PIK3C3: variants seen among roughly 807,000 people sequenced by gnomAD.
PIK3C3 encodes the protein PI3-kinase type 3.
Under a neutral mutation model 126.1 loss-of-function variants are expected in PIK3C3, and 95 were observed. The observed-to-expected ratio is 0.75, with a 90% CI of 0.64 to 0.89. PIK3C3 has a LOEUF of 0.89. Ranked by LOEUF, PIK3C3 falls within the 40% of genes least tolerant of loss-of-function variation. PIK3C3 has a pLI of 0.00. For synonymous variants in PIK3C3, 374 were observed against 360.0 expected (o/e 1.04, Z -0.44); for missense variants, 829 against 1,063.2 (o/e 0.78, Z 3.06).
chr18:42,065,683 A>C (rs1568008333), intron 23 of PIK3C3, among the ~76,000 whole-genome samples: 1 of 152,230 alleles, frequency 6.6e-6, no homozygotes, highest in Non-Finnish European at 1.5e-5. Context: ...GGACTACCTC[A>C]ATAGATCTGT....
At chr18:42,024,793 AT>A (rs1192332104) in intron 13 of PIK3C3, among the ~76,000 whole-genome samples, 1 of 144,194 alleles carries the variant, frequency 6.9e-6, no homozygotes. Context: ...GCATCAACAT[AT>A]TTTTTTTCTT....
intron 3 of PIK3C3, among the ~76,000 whole-genome samples, chr18:41,969,323 A>G (rs902857259): frequency 3.3e-5 from 5 of 152,158 alleles, no homozygotes; most frequent in African/African-American, 1.2e-4. Flanking sequence ...CTTGTTCAAA[A>G]ATATTTTTTT....
At chr18:42,062,760 C>T (rs989353603) in intron 22 of PIK3C3, among the ~76,000 whole-genome samples, 3 of 152,022 alleles carry the variant, frequency 2.0e-5, no homozygotes, top group Non-Finnish European at 4.4e-5. Flanking sequence ...TAGTAGGCAC[C>T]TCAGACTCCA....
chr18:42,005,027 T>C (rs1267518432), intron 10 of PIK3C3, among the ~76,000 whole-genome samples: 1 of 152,234 alleles, frequency 6.6e-6, no homozygotes. Flanking sequence ...ATGACAATTA[T>C]ATGTATATGT....
At chr18:42,044,866 C>T (rs1418550775) in intron 20 of PIK3C3, among the ~76,000 whole-genome samples, 1 of 151,868 alleles carries the variant, frequency 6.6e-6, no homozygotes. Context: ...TGTTTATGTC[C>T]CTATTTATGC....
At chr18:42,034,332 G>T (rs1362168772) in intron 16 of PIK3C3, among the ~76,000 whole-genome samples, 2 of 152,100 alleles carry the variant, frequency 1.3e-5, no homozygotes, top group African/African-American at 4.8e-5. Flanking sequence ...GGGATTACAG[G>T]CATGCGCCAC....
At chr18:41,957,869 C>T in intron 2 of PIK3C3, 111 bp downstream of exon 2, 1 of 719,728 alleles carries the variant, frequency 1.4e-6, no homozygotes, top group Non-Finnish European at 2.2e-6. Context: ...TACCTATAGG[C>T]ATTGATCAAA....
At chr18:41,955,411 G>A in intron 1 of PIK3C3, 52 bp downstream of exon 1, 1 of 1,474,018 alleles carries the variant, frequency 6.8e-7, no homozygotes, top group Non-Finnish European at 9.5e-7. Context: ...TAGGGACGTG[G>A]GGGCAGGGGC....
intron 15 of PIK3C3, among the ~76,000 whole-genome samples, chr18:42,032,140 A>G (rs1983856485): frequency 1.3e-5 from 2 of 152,214 alleles, no homozygotes; most frequent in South Asian, 4.1e-4. Flanking sequence ...AGCATGTAAG[A>G]GAGCAAGCCG....
At chr18:41,969,877 T>G (rs1980567085) in intron 3 of PIK3C3, among the ~76,000 whole-genome samples, 1 of 152,206 alleles carries the variant, frequency 6.6e-6, no homozygotes, top group South Asian at 2.1e-4. Flanking sequence ...AGCACAGCTG[T>G]GATTCAAGTA....
intron 4 of PIK3C3, among the ~76,000 whole-genome samples, chr18:41,974,480 T>C (rs1980817891): frequency 6.6e-6 from 1 of 152,180 alleles, no homozygotes; most frequent in African/African-American, 2.4e-5. Context: ...ATTTTTATTT[T>C]TTATAACTTG....
At chr18:42,016,813 C>CTTGT (rs753872223) in intron 12 of PIK3C3, among the ~76,000 whole-genome samples, 1 of 151,878 alleles carries the variant, frequency 6.6e-6, no homozygotes, top group East Asian at 1.9e-4. Flanking sequence ...TAGTGTAGGG[C>CTTGT]TTGTAGGCCA....
chr18:42,074,735 C>T (rs1443487583), intron 24 of PIK3C3, among the ~76,000 whole-genome samples: 2 of 151,680 alleles, frequency 1.3e-5, no homozygotes, highest in African/African-American at 4.8e-5. Context: ...CTTTTGGTGA[C>T]CCACTTTTGC....
intron 4 of PIK3C3, among the ~76,000 whole-genome samples, chr18:41,982,136 C>T (rs990339748): frequency 1.3e-5 from 2 of 152,234 alleles, no homozygotes; most frequent in East Asian, 1.9e-4. Context: ...ATTAATTTAG[C>T]TCAGTTCTAT....
At position 42,037,783 on chromosome 18, in the gene PIK3C3, A is replaced by G. The variant is rs1189768768; in HGVS notation, c.1931A>G (p.Asp644Gly). Residue 644 changes from aspartate to glycine, a missense_variant, in exon 17 of 25, where the codon GAT becomes GGT. This residue lies in a region of PIK3C3 where 196 missense variants were observed against 312.8 expected (regional missense o/e 0.63). Coordinates refer to ENST00000262039, the MANE Select transcript of PIK3C3 (RefSeq NM_002647.4). ...AAGCATGGAGATGATTTACGTCAAG[A>G]TCAACTTATTCTTCAAATCATTTCA... is the stretch of plus-strand genomic sequence containing the variant. ...IFKHGDDLRQ[D>G]QLILQIISLM... 1.2e-6 allele frequency: 2 copies of G among 1,612,438 alleles called. No homozygotes were observed. Among genetic ancestry groups the G allele is most frequent in the Non-Finnish European group, 1.7e-6 (2 of 1,178,814 alleles).
chr18:42,060,975 A>C (rs1048029912), intron 22 of PIK3C3, among the ~76,000 whole-genome samples: 15 of 152,166 alleles, frequency 9.9e-5, no homozygotes, highest in Non-Finnish European at 1.6e-4. Flanking sequence ...GCTGTCATGG[A>C]AAATAGAATG....
At chr18:41,993,364 T>A (rs777272361) in intron 7 of PIK3C3, 23 bp downstream of exon 7, 3 of 1,491,304 alleles carry the variant, frequency 2.0e-6, no homozygotes, top group Middle Eastern at 1.7e-4. Context: ...GCAATTTTTT[T>A]ATGAAAGTAC....
chr18:42,040,648 C>T lies in PIK3C3; in HGVS notation c.2039-29C>T, dbSNP rs376869426. 1.7e-5 allele frequency: 26 copies of T among 1,508,318 alleles called. No individual in the cohort carries two copies. In the African/African-American group the frequency reaches 3.5e-4, roughly 20 times the overall value. The allele number at this position is 1,508,318 out of a possible 1,614,324, so 93.4% of individuals were successfully genotyped here. On this transcript the variant is annotated intron_variant, in intron 18 of 24. Transcript: ENST00000262039. ...TTTTATTTCTTAACCAGTAGCTATG[C>T]TTAATGCAGTGCATACATTTCTGTG...
At position 41,957,787 on chromosome 18, in the gene PIK3C3, T is replaced by C. The variant is rs918176090; in HGVS notation, c.257+29T>C. 5 of 1,543,086 alleles carry C rather than the reference T, an allele frequency of 3.2e-6. No individual in the cohort carries two copies. The Admixed American group carries it at 9.5e-5, about 29-fold the overall frequency. On this transcript the variant is annotated intron_variant, in intron 2 of 24. Coordinates refer to ENST00000262039, the MANE Select transcript of PIK3C3 (RefSeq NM_002647.4). ...AGTTTTTTTGTGGCATATGGTATGT[T>C]ACAGACTGTTCTTACCTTTCTTTAT...
Sources: allele counts gnomAD v4.1 joint callset (sites outside exome capture counted in the v4.1 genomes callset), GRCh38; gene constraint gnomAD v4.1.1; regional missense constraint gnomAD v4.1.1; transcripts MANE v1.5; gene names NCBI Gene and HGNC (gene_info 2026-07-23, HGNC 2026-07-21).